The following PRICKLE2 variants were observed in gnomAD, a reference collection of about 807,000 sequenced individuals.
PRICKLE2 encodes prickle-like protein 2.
A neutral mutation model predicts 81.4 loss-of-function variants in PRICKLE2; 21 were observed. The ratio of observed to expected loss-of-function variants is 0.26; its 90% CI spans 0.18 to 0.37. The LOEUF (loss-of-function observed/expected upper bound fraction) is 0.37, where lower values mean the gene tolerates loss of function less well. PRICKLE2 is among the 10% of genes least tolerant of loss of function. The probability of loss-of-function intolerance (pLI) is 1.00; values close to 1 mark genes in which losing one functional copy is unlikely to be tolerated. For missense variants in PRICKLE2, 940 were observed against 1,109.0 expected, an observed-to-expected ratio of 0.85 and a Z score of 2.16; for synonymous variants, 456 against 421.5, an observed-to-expected ratio of 1.08 and a Z score of -1.00.
At chr3:64,123,341 A>G (rs1364095619) in intron 7 of PRICKLE2, among the ~76,000 whole-genome samples, 2 of 152,254 alleles carry the variant, frequency 1.3e-5, no homozygotes, top group African/African-American at 4.8e-5. Context: ...GAGTATCTCC[A>G]ATCTGAAAAT....
At chr3:64,163,859 C>T (rs2077775791) in intron 2 of PRICKLE2, 1 of 151,674 alleles carries the variant, frequency 6.6e-6, no homozygotes, top group Non-Finnish European at 1.5e-5. Context: ...AGACATTCCA[C>T]CATTCAGCCA....
chr3:64,173,058 G>A (rs1005722257), intron 2 of PRICKLE2, among the ~76,000 whole-genome samples: 7 of 152,176 alleles, frequency 4.6e-5, no homozygotes, highest in Non-Finnish European at 2.9e-5. Flanking sequence ...TGTGGGGAAA[G>A]AACACACACA....
chr3:64,137,389 C>G (rs1396737907), intron 7 of PRICKLE2, among the ~76,000 whole-genome samples: 1 of 152,152 alleles, frequency 6.6e-6, no homozygotes, highest in Non-Finnish European at 1.5e-5. Flanking sequence ...CTGCTGGCCT[C>G]CACCCTGGAC....
At chr3:64,128,508 G>T (rs2077146736) in intron 7 of PRICKLE2, among the ~76,000 whole-genome samples, 1 of 152,098 alleles carries the variant, frequency 6.6e-6, no homozygotes, top group African/African-American at 2.4e-5. Context: ...AACACTTTGG[G>T]AGCTCACAGC....
chr3:64,225,548 T>A (rs1361975584), upstream of PRICKLE2: 2 of 622,560 alleles, frequency 3.2e-6, no homozygotes, highest in Non-Finnish European at 4.0e-6. Flanking sequence ...TGCTGCCCAG[T>A]GCTGAGATTT....
At chr3:64,234,556 C>T (rs921495913) in intron 2 of PRICKLE2, among the ~76,000 whole-genome samples, 5 of 152,190 alleles carry the variant, frequency 3.3e-5, no homozygotes, top group Non-Finnish European at 7.4e-5. Flanking sequence ...ATTCTGGGAA[C>T]ATGTCCCTTA....
chr3:64,182,088 G>A (rs1028780719), intron 2 of PRICKLE2, among the ~76,000 whole-genome samples: 20 of 152,028 alleles, frequency 1.3e-4, no homozygotes, highest in Non-Finnish European at 2.1e-4. Flanking sequence ...GTCTGAATTT[G>A]TACCCCCAAA....
At chr3:64,217,149 C>A (rs957138527) in intron 1 of PRICKLE2, among the ~76,000 whole-genome samples, 9 of 152,074 alleles carry the variant, frequency 5.9e-5, no homozygotes, top group Admixed American at 5.9e-4. Context: ...AGAAAACAGC[C>A]CCTTGTAAAG....
At chr3:64,167,773 C>A (rs1165815297) in intron 2 of PRICKLE2, among the ~76,000 whole-genome samples, 1 of 152,148 alleles carries the variant, frequency 6.6e-6, no homozygotes, top group Non-Finnish European at 1.5e-5. Flanking sequence ...AGCACTGGTT[C>A]TCAAACTATA....
chr3:64,176,607 C>A (rs1282724300), intron 2 of PRICKLE2, among the ~76,000 whole-genome samples: 1 of 152,200 alleles, frequency 6.6e-6, no homozygotes, highest in Non-Finnish European at 1.5e-5. Context: ...CTGGAGCTTA[C>A]TGATCACAGG....
At chr3:64,107,413 AT>A (rs2076773915) in intron 7 of PRICKLE2, among the ~76,000 whole-genome samples, 1 of 152,120 alleles carries the variant, frequency 6.6e-6, no homozygotes, top group Non-Finnish European at 1.5e-5. Context: ...GGCAAAATGT[AT>A]GCATGCAAGT....
chr3:64,167,313 A>G (rs560237979), intron 2 of PRICKLE2, among the ~76,000 whole-genome samples: 14 of 152,324 alleles, frequency 9.2e-5, no homozygotes, highest in Admixed American at 7.8e-4. Flanking sequence ...ATATTTATTC[A>G]AAAGCACGTC....
intron 1 of PRICKLE2, among the ~76,000 whole-genome samples, chr3:64,204,504 A>G (rs1284367043): frequency 6.6e-6 from 1 of 152,152 alleles, no homozygotes; most frequent in Non-Finnish European, 1.5e-5. Flanking sequence ...CCACTGAAGC[A>G]AAAAGTTACT....
intron 3 of PRICKLE2, 130 bp from the exon 4 acceptor site, chr3:64,160,207 C>T: frequency 2.1e-6 from 2 of 951,344 alleles, no homozygotes; most frequent in East Asian, 2.4e-5. Context: ...GAACTTTAAC[C>T]ACAACAGCCT....
intron 2 of PRICKLE2, among the ~76,000 whole-genome samples, chr3:64,255,481 T>A (rs1213576221): frequency 1.3e-5 from 2 of 152,086 alleles, no homozygotes; most frequent in East Asian, 3.9e-4. Flanking sequence ...AGACCACACC[T>A]CATTCCTAGC....
At chr3:64,245,221 C>T (rs1575708644) in intron 2 of PRICKLE2, among the ~76,000 whole-genome samples, 1 of 152,190 alleles carries the variant, frequency 6.6e-6, no homozygotes, top group Non-Finnish European at 1.5e-5. Context: ...AATGTCCTGC[C>T]AAAAATTCTA....
intron 2 of PRICKLE2, among the ~76,000 whole-genome samples, chr3:64,178,263 C>T (rs192607222): frequency 2.6e-5 from 4 of 152,206 alleles, no homozygotes; most frequent in Non-Finnish European, 5.9e-5. Context: ...CTTGTTGAAC[C>T]GTATATATTC....
chr3:64,185,547 A>G (rs1020770135), intron 2 of PRICKLE2, among the ~76,000 whole-genome samples: 2 of 152,094 alleles, frequency 1.3e-5, no homozygotes, highest in African/African-American at 4.8e-5. Flanking sequence ...AGTCTGTGGA[A>G]CTCATTTTCT....
chr3:64,254,603 C>G (rs1464844306), intron 2 of PRICKLE2, among the ~76,000 whole-genome samples: 1 of 152,180 alleles, frequency 6.6e-6, no homozygotes, highest in Non-Finnish European at 1.5e-5. Flanking sequence ...AATAATTTCT[C>G]TTCATGGATT....
Sources: allele counts gnomAD v4.1 joint callset (sites outside exome capture counted in the v4.1 genomes callset), GRCh38; gene constraint gnomAD v4.1.1; transcripts MANE v1.5; gene names NCBI Gene and HGNC (gene_info 2026-07-23, HGNC 2026-07-21).